NEK7: variants seen among roughly 807,000 people sequenced by gnomAD.
The protein encoded by NEK7 is NIMA related kinase 7.
A neutral mutation model predicts 44.6 loss-of-function variants in NEK7; 18 were observed. The observed-to-expected ratio is 0.40, with a 90% CI of 0.28 to 0.60. The LOEUF (loss-of-function observed/expected upper bound fraction) is 0.60, where lower values mean the gene tolerates loss of function less well. Among genes scored for constraint, NEK7 ranks in the 20% least tolerant of loss-of-function variants. The probability of loss-of-function intolerance (pLI) is 0.38; values close to 1 mark genes in which losing one functional copy is unlikely to be tolerated. For missense variants in NEK7, 256 were observed against 366.5 expected, an observed-to-expected ratio of 0.70 and a Z score of 2.46; for synonymous variants, 130 against 121.1, an observed-to-expected ratio of 1.07 and a Z score of -0.48.
intron 1 of NEK7, among the ~76,000 whole-genome samples, chr1:198,212,352 C>T (rs1031191849): frequency 1.1e-4 from 16 of 152,206 alleles, no homozygotes; most frequent in Non-Finnish European, 2.1e-4. Context: ...GTTCTGAGCA[C>T]AGGCTGCCTG....
At position 198,294,499 on chromosome 1, in the gene NEK7, TA is replaced by T. The variant is rs528159842; in HGVS notation, c.684+1463del. Among the ~76,000 whole-genome samples, 610 of 152,204 alleles carry T rather than the reference TA, an allele frequency of 4.0e-3. 2 individuals carry two copies. Among genetic ancestry groups the T allele is most frequent in the Non-Finnish European group, 7.1e-3 (483 of 67,930 alleles). ...CATATTCTCTTCAAATCCCTAAAAG[TA>T]AACAGCAAATTGGTTTCCAATAACT... On this transcript the variant is annotated intron_variant, in intron 8 of 9. Transcript: ENST00000367385.
chr1:198,159,296 A>G (rs937858715), intron 1 of NEK7, among the ~76,000 whole-genome samples: 1 of 151,914 alleles, frequency 6.6e-6, no homozygotes, highest in Non-Finnish European at 1.5e-5. Context: ...GCCTGGAGAA[A>G]GAAAGAAAGG....
chr1:198,211,620 A>G (rs1665772609), intron 1 of NEK7, among the ~76,000 whole-genome samples: 2 of 152,242 alleles, frequency 1.3e-5, no homozygotes, highest in South Asian at 2.1e-4. Context: ...ATAAAAAATA[A>G]TAGGTTATTG....
intron 1 of NEK7, among the ~76,000 whole-genome samples, chr1:198,160,313 A>ATT (rs761820121): frequency 2.8e-4 from 40 of 143,920 alleles, no homozygotes; most frequent in African/African-American, 8.1e-4. Flanking sequence ...GTTTCCCTTG[A>ATT]TTTTTTTTTT....
chr1:198,186,648 C>A (rs953448702), intron 1 of NEK7, among the ~76,000 whole-genome samples: 2 of 152,182 alleles, frequency 1.3e-5, no homozygotes, highest in Admixed American at 6.5e-5. Flanking sequence ...CATACACATT[C>A]TTGGTTGAAC....
At chr1:198,159,780 T>C (rs1273561026) in intron 1 of NEK7, among the ~76,000 whole-genome samples, 2 of 152,186 alleles carry the variant, frequency 1.3e-5, no homozygotes, top group East Asian at 3.9e-4. Flanking sequence ...AAAGCACATA[T>C]GGTATGATGG....
intron 5 of NEK7, among the ~76,000 whole-genome samples, chr1:198,272,870 A>T (rs1046917733): frequency 2.6e-5 from 4 of 151,732 alleles, no homozygotes; most frequent in African/African-American, 4.8e-5. Context: ...TCAGGAGGCA[A>T]CTGTTTTGGG....
chr1:198,266,310 A>G (rs751571206), intron 5 of NEK7, among the ~76,000 whole-genome samples: 2 of 152,124 alleles, frequency 1.3e-5, no homozygotes, highest in Non-Finnish European at 2.9e-5. Context: ...TTAAATGATA[A>G]TAGCTATTGC....
rs555228764 is a variant in NEK7, at chr1:198,212,086, C to T, written c.-28-20467C>T. Among the ~76,000 whole-genome samples the T allele has an allele frequency of 7.2e-5, 11 of 152,292 alleles. No individual in the cohort carries two copies. The South Asian group carries it at 1.2e-3, about 17-fold the overall frequency. ...TTCCCAGACTCCAGTGGGATGGGAGCGAAGCCATTCCTGATCCTGTCTCAC... is the reference window on the plus strand; with the variant it reads ...TTCCCAGACTCCAGTGGGATGGGAGTGAAGCCATTCCTGATCCTGTCTCAC... On this transcript the variant is annotated intron_variant, in intron 1 of 9. Coordinates refer to ENST00000367385, the MANE Select transcript of NEK7 (RefSeq NM_133494.3).
chr1:198,299,919 A>G (rs1304269875), intron 9 of NEK7, among the ~76,000 whole-genome samples: 2 of 152,346 alleles, frequency 1.3e-5, no homozygotes, highest in South Asian at 2.1e-4. Flanking sequence ...TTAAAACAAA[A>G]AATGAGAAGT....
intron 1 of NEK7, among the ~76,000 whole-genome samples, chr1:198,228,816 G>A (rs1666303383): frequency 6.6e-6 from 1 of 152,174 alleles, no homozygotes; most frequent in Non-Finnish European, 1.5e-5. Context: ...TCTGCAAACA[G>A]GGACAATTTG....
intron 7 of NEK7, among the ~76,000 whole-genome samples, chr1:198,290,999 C>T (rs185973865): frequency 1.3e-5 from 2 of 152,240 alleles, no homozygotes; most frequent in East Asian, 1.9e-4. Context: ...TCACTTGGGT[C>T]GTCCTTGAGT....
intron 1 of NEK7, among the ~76,000 whole-genome samples, chr1:198,195,730 C>T (rs1025767970): frequency 4.5e-4 from 69 of 152,250 alleles, no homozygotes; most frequent in African/African-American, 1.6e-3. Context: ...GAGGCTGAGG[C>T]AGGAGAATAG....
At chr1:198,260,605 TTTGA>T (rs1653429903) in intron 3 of NEK7, among the ~76,000 whole-genome samples, 1 of 152,074 alleles carries the variant, frequency 6.6e-6, no homozygotes, top group African/African-American at 2.4e-5. Flanking sequence ...TCTTCTGTTA[TTTGA>T]TTAAGTGGGA....
chr1:198,206,066 C>A (rs1438137238), intron 1 of NEK7, among the ~76,000 whole-genome samples: 2 of 151,866 alleles, frequency 1.3e-5, no homozygotes, highest in Admixed American at 1.3e-4. Context: ...AAAAGTAGTA[C>A]CTTGTGTAAT....
intron 1 of NEK7, among the ~76,000 whole-genome samples, chr1:198,218,621 A>G (rs934335340): frequency 6.6e-6 from 1 of 151,962 alleles, no homozygotes; most frequent in African/African-American, 2.4e-5. Context: ...AATAATCATC[A>G]GAATAGACAA....
intron 1 of NEK7, among the ~76,000 whole-genome samples, chr1:198,165,623 C>A (rs564920161): frequency 1.3e-5 from 2 of 152,128 alleles, no homozygotes; most frequent in Admixed American, 1.3e-4. Context: ...GTGCTGTTGC[C>A]CAGGTTTTGT....
At position 198,314,300 on chromosome 1, in the gene NEK7, T is replaced by G. The variant is rs562492426; in HGVS notation, c.799-5112T>G. Among the ~76,000 whole-genome samples the G allele has an allele frequency of 4.6e-3, 701 of 152,334 alleles. 5 individuals are homozygous for G. Among genetic ancestry groups the G allele is most frequent in the African/African-American group, 0.016 (680 of 41,586 alleles). On this transcript the variant is annotated intron_variant, in intron 9 of 9. Coordinates refer to ENST00000367385, the MANE Select transcript of NEK7 (RefSeq NM_133494.3). ...CAGCTCCATCAGCTCCTTTAAGCAC[T>G]TCTCTGTAATGGTTATTCTAGTTAT...
chr1:198,197,792 C>T (rs1262446339), intron 1 of NEK7: 11 of 727,132 alleles, frequency 1.5e-5, no homozygotes, highest in Non-Finnish European at 2.3e-5. Flanking sequence ...GTCAGAGTCA[C>T]TGATGGAAGA....
Sources: gnomAD v4.1 joint callset for allele counts (sites outside exome capture counted in the v4.1 genomes callset) on GRCh38, gnomAD v4.1.1 for gene constraint, MANE v1.5 for transcripts, NCBI Gene and HGNC (gene_info 2026-07-23, HGNC 2026-07-21) for gene names.